The following MGRN1 variants were observed in gnomAD, a reference collection of about 807,000 sequenced individuals.
The protein encoded by MGRN1 is mahogunin ring finger 1.
MGRN1 carries 29 observed loss-of-function variants against 69.2 expected under a neutral mutation model. That is an observed-to-expected ratio of 0.42 (90% CI 0.31 to 0.57). MGRN1 has a LOEUF of 0.57. Among genes scored for constraint, MGRN1 ranks in the 20% least tolerant of loss-of-function variants. MGRN1 has a pLI of 0.15. For missense variants in MGRN1, 998 were observed against 796.2 expected (o/e 1.25, Z -3.05); for synonymous variants, 470 against 344.2 (o/e 1.37, Z -4.04).
intron 1 of MGRN1, among the ~76,000 whole-genome samples, chr16:4,628,045 A>G (rs1191074863): frequency 7.0e-6 from 1 of 143,146 alleles, no homozygotes. Context: ...GCGCCACTGC[A>G]CTCCAGCCTA....
Position 4,652,785 on chromosome 16 carries a change from A to C in MGRN1, c.404A>C (p.Tyr135Ser), listed in dbSNP as rs1277308368. Residue 135 changes from tyrosine (Y) to serine (S), a missense_variant, in exon 4 of 17, where the codon TAC becomes TCC. By Grantham distance (144) the Tyr-to-Ser change is moderately radical. Transcript: ENST00000262370. ...GATGCCCGCGTGGCCATCACCATCT[A>C]CTGCCAGGCATCGGAGGAGTTCCTG... ...DADARVAITI[Y>S]CQASEEFLNG... is the part of the protein sequence containing the mutation. 1 of 1,611,194 alleles carries C rather than the reference A, an allele frequency of 6.2e-7. No homozygotes were observed. Among genetic ancestry groups the C allele is most frequent in the African/African-American group, 1.3e-5 (1 of 74,996 alleles).
Position 4,680,096 on chromosome 16 carries a change from CAGTA to C in MGRN1, c.1131+3_1131+6del, listed in dbSNP as rs1279479635. The C allele has an allele frequency of 3.7e-6, 6 of 1,613,906 alleles. No homozygotes were observed. The highest frequency in any genetic ancestry group is 1.1e-5 in the South Asian group (1 of 91,048). ...GCCAGCAAGAAACCTAAAAGGGAAA[CAGTA>C]AGTGTCTGGTCCTCCGGCTACGTTT... On this transcript the variant is annotated splice_donor_variant and splice_donor_region_variant and coding_sequence_variant and intron_variant, in exon 12 of 17. Coordinates refer to ENST00000262370, the MANE Select transcript of MGRN1 (RefSeq NM_015246.4). LOFTEE classifies it high-confidence loss of function.
chr16:4,650,160 G>C, intron 1 of MGRN1: 1 of 475,434 alleles, frequency 2.1e-6, no homozygotes, highest in Non-Finnish European at 3.8e-6. Context: ...AAAATCAGCT[G>C]GGCGTGGTGG....
At chr16:4,686,648 C>T (rs569780111) in intron 16 of MGRN1, 13 of 1,121,242 alleles carry the variant, frequency 1.2e-5, no homozygotes, top group African/African-American at 9.7e-5. Context: ...CTGTCCACTG[C>T]GGGAGGCAGG....
chr16:4,648,316 C>A (rs1289645771), intron 1 of MGRN1, among the ~76,000 whole-genome samples: 1 of 144,706 alleles, frequency 6.9e-6, no homozygotes, highest in Non-Finnish European at 1.5e-5. Flanking sequence ...CGGGCTCTTC[C>A]CGTGGTCACC....
chr16:4,651,901 C>G, intron 2 of MGRN1, 62 bp from the exon 3 acceptor site: 1 of 1,482,072 alleles, frequency 6.7e-7, no homozygotes, highest in Non-Finnish European at 9.4e-7. Flanking sequence ...GCACCCTGAC[C>G]CGTTTTCTGT....
In MGRN1 at chr16:4,680,035, C is replaced by A. The variant is rs774516010; in HGVS notation, c.1069C>A (p.Pro357Thr). The A allele has an allele frequency of 6.2e-7, 1 of 1,613,900 alleles. No individual in the cohort carries two copies. Among genetic ancestry groups the A allele is most frequent in the Non-Finnish European group, 8.5e-7 (1 of 1,179,874 alleles). Residue 357 changes from proline to threonine, a missense_variant, in exon 12 of 17, where the codon CCC becomes ACC. Transcript: ENST00000262370. ...CATATGATTTTTATCTTGACAGTGT[C>A]CCTTTAAAAAATCAAAGCCGCACCC... ...QSLEHDEHSC[P>T]FKKSKPHPAS...
chr16:4,641,142 T>G (rs762622686), intron 1 of MGRN1, among the ~76,000 whole-genome samples: 10 of 152,184 alleles, frequency 6.6e-5, no homozygotes, highest in Non-Finnish European at 1.0e-4. Context: ...CTCTTGGTCC[T>G]GAGCTGGTGC....
At chr16:4,655,148 A>G (rs1004702556) in intron 4 of MGRN1, among the ~76,000 whole-genome samples, 2 of 152,110 alleles carry the variant, frequency 1.3e-5, no homozygotes, top group Non-Finnish European at 2.9e-5. Flanking sequence ...GACATGGTGG[A>G]GGAGCTGGGT....
In MGRN1 at chr16:4,682,813, C is replaced by T; in HGVS notation, c.1359-10C>T. 6.4e-7 allele frequency: 1 copy of T among 1,552,922 alleles called. No homozygotes were observed. The highest frequency in any genetic ancestry group is 8.7e-7 in the Non-Finnish European group (1 of 1,143,850). On this transcript the variant is annotated splice_polypyrimidine_tract_variant and intron_variant, in intron 13 of 16. Coordinates refer to ENST00000262370, the MANE Select transcript of MGRN1 (RefSeq NM_015246.4). Reference sequence around the variant, plus strand: ...CTCTCACCCCTGCCCACCCTCTCCTCTGTCCCCAGCACCCTACGGTCCCCG... The same window carrying T: ...CTCTCACCCCTGCCCACCCTCTCCTTTGTCCCCAGCACCCTACGGTCCCCG...
At chr16:4,653,387 C>A (rs1196539627) in intron 4 of MGRN1, among the ~76,000 whole-genome samples, 1 of 152,228 alleles carries the variant, frequency 6.6e-6, no homozygotes, top group Non-Finnish European at 1.5e-5. Flanking sequence ...CTGGAGGCTT[C>A]ATCACGTAGG....
intron 8 of MGRN1, 102 bp downstream of exon 8, chr16:4,668,414 C>T (rs2078854356): frequency 2.4e-6 from 3 of 1,227,782 alleles, no homozygotes; most frequent in South Asian, 1.3e-5. Context: ...TACACACGCA[C>T]ATATACTCAT....
chr16:4,682,748 C>G, intron 13 of MGRN1, 75 bp from the exon 14 acceptor site: 1 of 1,431,438 alleles, frequency 7.0e-7, no homozygotes, highest in South Asian at 1.6e-5. Context: ...CCCAGGTGCC[C>G]TGCATGGCTT....
chr16:4,687,116 T>G lies in MGRN1; in HGVS notation c.1619-1680T>G, dbSNP rs927571954. 4 of 985,310 alleles carry G rather than the reference T, an allele frequency of 4.1e-6. No homozygotes were observed. In the African/African-American group the frequency reaches 7.0e-5, roughly 17 times the overall value. 61.0% of individuals were successfully genotyped at this position (985,310 alleles called of 1,614,324 possible). A position where few individuals can be genotyped will look rare whatever the true frequency, so the allele number is the denominator to read the frequency against. On this transcript the variant is annotated intron_variant, in intron 16 of 16. Coordinates refer to ENST00000262370, the MANE Select transcript of MGRN1 (RefSeq NM_015246.4). The stretch of plus-strand genomic sequence containing the variant: ...GGCTGCCTTTGTGCCATGAGCCCAC[T>G]GCTGCCGACTCACCTGTCCCTCCCA...
chr16:4,658,157 C>G (rs1225473523), intron 5 of MGRN1, among the ~76,000 whole-genome samples: 3 of 152,140 alleles, frequency 2.0e-5, no homozygotes, highest in Non-Finnish European at 4.4e-5. Context: ...TGTCCTCCCT[C>G]CTTCCCCCTT....
In MGRN1 at chr16:4,657,248, A is replaced by C; in HGVS notation, c.446A>C (p.Tyr149Ser). Residue 149 changes from tyrosine (Y) to serine (S), a missense_variant and splice_region_variant, in exon 5 of 17, where the codon TAC becomes TCC. Transcript: ENST00000262370. ...TGCTTGCTCCTGGCTCCCTGCAGAT[A>C]CAGCCCCAAGAGCCCCTCGCTACAG... The part of the protein sequence containing the change: ...SEEFLNGRAV[Y>S]SPKSPSLQSE... The C allele has an allele frequency of 6.2e-7, 1 of 1,613,560 alleles. No individual in the cohort carries two copies. Among genetic ancestry groups the C allele is most frequent in the Non-Finnish European group, 8.5e-7 (1 of 1,179,568 alleles).
chr16:4,672,385 C>A (rs950053295), intron 9 of MGRN1: 1 of 456,620 alleles, frequency 2.2e-6, no homozygotes, highest in Non-Finnish European at 4.4e-6. Context: ...ATGAGTGAAA[C>A]TCCTGCCTCT....
At chr16:4,630,606 C>T (rs1195107541) in intron 1 of MGRN1, among the ~76,000 whole-genome samples, 3 of 151,626 alleles carry the variant, frequency 2.0e-5, no homozygotes, top group African/African-American at 7.3e-5. Flanking sequence ...AGCCACCACG[C>T]CCGGCTAATT....
At chr16:4,632,816 C>G (rs1362493278) in intron 1 of MGRN1, among the ~76,000 whole-genome samples, 1 of 152,154 alleles carries the variant, frequency 6.6e-6, no homozygotes, top group Non-Finnish European at 1.5e-5. Flanking sequence ...GGCGTGGTGG[C>G]TCACATTTGT....
Sources: allele counts gnomAD v4.1 joint callset (sites outside exome capture counted in the v4.1 genomes callset), GRCh38; gene constraint gnomAD v4.1.1; transcripts MANE v1.5; gene names NCBI Gene and HGNC (gene_info 2026-07-23, HGNC 2026-07-21).